Variants in PPP2R5E observed in about 807,000 individuals in gnomAD.
PPP2R5E encodes serine/threonine-protein phosphatase 2A 56 kDa regulatory subunit epsilon isoform.
PPP2R5E carries 4 observed loss-of-function variants against 65.3 expected under a neutral mutation model. The observed-to-expected ratio is 0.06, with a 90% CI of 0.03 to 0.14. The LOEUF (loss-of-function observed/expected upper bound fraction) is 0.14, where lower values mean the gene tolerates loss of function less well. Ranked by LOEUF, PPP2R5E falls within the 10% of genes least tolerant of loss-of-function variation. The pLI, the probability that PPP2R5E is intolerant of heterozygous loss-of-function variation, is 1.00. For missense variants in PPP2R5E, 274 were observed against 556.1 expected, an observed-to-expected ratio of 0.49 and a Z score of 5.10; for synonymous variants, 183 against 187.4, an observed-to-expected ratio of 0.98 and a Z score of 0.19.
chr14:63,375,925 C>T lies in PPP2R5E; in HGVS notation c.*84G>A, dbSNP rs1883958703. On this transcript the variant is annotated 3_prime_UTR_variant, in exon 14 of 14. Transcript: ENST00000337537. Reference sequence around the variant, plus strand: ...AAAGGTGAAATCTACTGTAAAGTTGCACAATACAGAAAACTGTTGCTCCAT... The same window carrying T: ...AAAGGTGAAATCTACTGTAAAGTTGTACAATACAGAAAACTGTTGCTCCAT... 4 of 938,850 alleles carry T rather than the reference C, an allele frequency of 4.3e-6. No homozygotes were observed. The highest frequency in any genetic ancestry group is 5.0e-6 in the Non-Finnish European group (3 of 598,230). 58.2% of individuals were successfully genotyped at this position (938,850 alleles called of 1,614,324 possible).
At position 63,422,049 on chromosome 14, in the gene PPP2R5E, C is replaced by A; in HGVS notation, c.400G>T (p.Glu134Ter). 6.2e-7 allele frequency: 1 copy of A among 1,613,866 alleles called. No homozygotes were observed. The highest frequency in any genetic ancestry group is 1.1e-5 in the South Asian group (1 of 91,068). The change falls in exon 4 of 14, where the codon GAA becomes TAA. Residue 134 changes from glutamate to a stop codon, truncating the protein, a stop_gained. Transcript: ENST00000337537. LOFTEE classifies it high-confidence loss of function. ...GGTTCATCTTCTTCTGGATCAAATT[C>A]ATTGCTGTCACTAGGAGGGAGAGTT... ...FRTLPPSDSNEFDPEEDEPTL... is the reference protein window; with the variant it reads ...FRTLPPSDSN
At chr14:63,425,627 T>C (rs144483855) in intron 3 of PPP2R5E, among the ~76,000 whole-genome samples, 1 of 152,344 alleles carries the variant, frequency 6.6e-6, no homozygotes, top group East Asian at 1.9e-4. Context: ...GCAGCAACTA[T>C]CTGTTTAGGT....
At chr14:63,520,731 C>T (rs889259254) in intron 2 of PPP2R5E, among the ~76,000 whole-genome samples, 16 of 151,988 alleles carry the variant, frequency 1.1e-4, no homozygotes, top group African/African-American at 3.6e-4. Context: ...AAAACACATG[C>T]GTGGCCAGGT....
At chr14:63,419,349 GT>G (rs1886878278) in intron 4 of PPP2R5E, among the ~76,000 whole-genome samples, 2 of 152,162 alleles carry the variant, frequency 1.3e-5, no homozygotes, top group East Asian at 3.8e-4. Context: ...TAATTATGAA[GT>G]TAATAAAAAG....
In PPP2R5E at chr14:63,449,853, CCTTTT is replaced by C. The variant is rs986492803; in HGVS notation, c.354+3831_354+3835del. 1.4e-4 allele frequency among the ~76,000 whole-genome samples: 21 copies of C among 150,124 alleles called. 1 individual carries two copies. The East Asian group carries it at 2.6e-3, about 18-fold the overall frequency. On this transcript the variant is annotated intron_variant, in intron 3 of 13. Transcript: ENST00000337537. ...AGGTCTGTATGGTTCCAAAGCCTTGCCTTTTCTTTTCTTTTCCTATTTTTTTTTTT... is the reference window on the plus strand; with the variant it reads ...AGGTCTGTATGGTTCCAAAGCCTTGCCTTTTCTTTTCCTATTTTTTTTTTT...
intron 5 of PPP2R5E, among the ~76,000 whole-genome samples, chr14:63,410,155 A>G (rs1315285683): frequency 6.6e-6 from 1 of 152,218 alleles, no homozygotes; most frequent in African/African-American, 2.4e-5. Flanking sequence ...GATACAATAA[A>G]TTCTGTCTAA....
intron 2 of PPP2R5E, among the ~76,000 whole-genome samples, chr14:63,509,181 T>C (rs140034188): frequency 6.6e-6 from 1 of 152,232 alleles, no homozygotes; most frequent in East Asian, 1.9e-4. Context: ...TACAGTTGCT[T>C]TTGGGACTCA....
rs76572383 is a variant in PPP2R5E at position 63,434,698 on chromosome 14, T to C, written c.355-12604A>G. Among the ~76,000 whole-genome samples the C allele has an allele frequency of 6.5e-3, 987 of 152,346 alleles. 28 individuals are homozygous for C. The East Asian group carries it at 0.1, about 16-fold the overall frequency. On this transcript the variant is annotated intron_variant, in intron 3 of 13. Coordinates refer to ENST00000337537, the MANE Select transcript of PPP2R5E (RefSeq NM_006246.5). ...CTGGTCAAAACCAATTTCACTCTCA[T>C]TGGACTCCATTTATCTCTCAAAGAG... is the stretch of plus-strand genomic sequence containing the variant.
chr14:63,531,797 T>C (rs1271279146), intron 2 of PPP2R5E, among the ~76,000 whole-genome samples: 1 of 151,954 alleles, frequency 6.6e-6, no homozygotes, highest in African/African-American at 2.4e-5. Context: ...CTATTAAAAA[T>C]ACAAAATTAA....
chr14:63,448,675 G>A (rs1388714277), intron 3 of PPP2R5E, among the ~76,000 whole-genome samples: 1 of 151,820 alleles, frequency 6.6e-6, no homozygotes, highest in East Asian at 1.9e-4. Flanking sequence ...TATAATGCCA[G>A]CTACTCAGGA....
chr14:63,473,541 A>G (rs1170669144), intron 2 of PPP2R5E, among the ~76,000 whole-genome samples: 1 of 152,252 alleles, frequency 6.6e-6, no homozygotes, highest in East Asian at 1.9e-4. Context: ...CTAACAGTGT[A>G]CTAAAGATAT....
At chr14:63,406,472 T>C (rs1200765455) in intron 5 of PPP2R5E, among the ~76,000 whole-genome samples, 1 of 151,090 alleles carries the variant, frequency 6.6e-6, no homozygotes, top group South Asian at 2.1e-4. Flanking sequence ...TACCAAAATA[T>C]GGCTTTCCAG....
intron 3 of PPP2R5E, among the ~76,000 whole-genome samples, chr14:63,425,022 G>A (rs1455669299): frequency 6.6e-6 from 1 of 152,118 alleles, no homozygotes; most frequent in African/African-American, 2.4e-5. Flanking sequence ...TACCATTGAG[G>A]AAATAGAAGC....
intron 4 of PPP2R5E, among the ~76,000 whole-genome samples, chr14:63,421,213 AG>A (rs1204406277): frequency 6.6e-6 from 1 of 152,040 alleles, no homozygotes; most frequent in Non-Finnish European, 1.5e-5. Flanking sequence ...GAGCAACCTA[AG>A]GATATTCTGA....
chr14:63,424,669 T>C, intron 3 of PPP2R5E, among the ~76,000 whole-genome samples: 1 of 149,514 alleles, frequency 6.7e-6, no homozygotes, highest in Admixed American at 6.7e-5. Flanking sequence ...GAGAATGGCG[T>C]GAACCCGGGA....
chr14:63,392,578 T>C (rs139788157), intron 8 of PPP2R5E, among the ~76,000 whole-genome samples: 2 of 152,344 alleles, frequency 1.3e-5, no homozygotes, highest in East Asian at 1.9e-4. Flanking sequence ...CACATCTAAG[T>C]AAGATTGTTT....
At chr14:63,405,287 G>A (rs888533831) in intron 5 of PPP2R5E, among the ~76,000 whole-genome samples, 5 of 151,982 alleles carry the variant, frequency 3.3e-5, no homozygotes, top group Non-Finnish European at 5.9e-5. Flanking sequence ...CAAGGAACTC[G>A]TTTGGAAAAT....
At position 63,372,127 on chromosome 14, in the gene PPP2R5E, G is replaced by C. The variant is rs1245970497; in HGVS notation, c.*3882C>G. 6.6e-6 allele frequency: 1 copy of C among 151,604 alleles called. No individual in the cohort carries two copies. Among genetic ancestry groups the C allele is most frequent in the African/African-American group, 2.4e-5 (1 of 41,316 alleles). The allele number at this position is 151,604 out of a possible 1,614,324, so 9.4% of individuals were successfully genotyped here. A position where few individuals can be genotyped will look rare whatever the true frequency, so the allele number is the denominator to read the frequency against. ...AAGGTGGGGGAAGGAGGGAGGGAAG[G>C]AAGAAAAGGAAACCTATATTCATAG... On this transcript the variant is annotated 3_prime_UTR_variant, in exon 14 of 14. Transcript: ENST00000337537.
At chr14:63,408,336 C>T (rs1475686403) in intron 5 of PPP2R5E, among the ~76,000 whole-genome samples, 2 of 145,884 alleles carry the variant, frequency 1.4e-5, no homozygotes, top group Non-Finnish European at 3.0e-5. Flanking sequence ...AGAATACTAT[C>T]GGTTTTCTCT....
Sources: gnomAD v4.1 joint callset for allele counts (sites outside exome capture counted in the v4.1 genomes callset) on GRCh38, gnomAD v4.1.1 for gene constraint, MANE v1.5 for transcripts, NCBI Gene and HGNC (gene_info 2026-07-23, HGNC 2026-07-21) for gene names.